Variants in ATP10B observed in about 807,000 individuals in gnomAD.
The protein encoded by ATP10B is phospholipid-transporting ATPase VB.
A neutral mutation model predicts 141.2 loss-of-function variants in ATP10B; 122 were observed. That is an observed-to-expected ratio of 0.86 (90% confidence interval 0.75 to 1.00). The LOEUF is 1.00. Ranked by LOEUF, ATP10B falls within the 50% of genes least tolerant of loss-of-function variation. The probability of loss-of-function intolerance (pLI) is 0.00; values close to 1 mark genes in which losing one functional copy is unlikely to be tolerated. For synonymous variants in ATP10B, 685 were observed against 692.0 expected (o/e 0.99, Z 0.16); for missense variants, 1,876 against 1,825.3 (o/e 1.03, Z -0.51).
chr5:160,566,326 C>T (rs1044315384), intron 25 of ATP10B, among the ~76,000 whole-genome samples: 11 of 152,172 alleles, frequency 7.2e-5, no homozygotes, highest in African/African-American at 2.7e-4. Context: ...CCAAAGCAGT[C>T]CATTCTATTT....
In ATP10B at chr5:160,606,885, T is replaced by A. The variant is rs1246007086; in HGVS notation, c.3040A>T (p.Lys1014Ter). 8 of 1,613,998 alleles carry A rather than the reference T, an allele frequency of 5.0e-6. No homozygotes were observed. In the African/African-American group the frequency reaches 5.3e-5, roughly 11 times the overall value. The change falls in exon 19 of 26, where the codon AAG (lysine) becomes TAG (stop). Residue 1014 changes from lysine to a stop codon, truncating the protein, a stop_gained. Transcript: ENST00000327245. LOFTEE classifies it high-confidence loss of function. Reference protein sequence around the residue: ...NAIFQGKLEKKFLELTQYCRS... With the variant: ...NAIFQGKLEK ...CAATACTGGGTCAATTCCAGAAACT[T>A]CTTCTCTAGCTTTCCCTGGAAGATG...
chr5:160,787,508 G>GCAAA (rs1771258293), intron 1 of ATP10B, among the ~76,000 whole-genome samples: 1 of 152,148 alleles, frequency 6.6e-6, no homozygotes, highest in Non-Finnish European at 1.5e-5. Context: ...TTAGCCTCCA[G>GCAAA]TTCCTCCATA....
At chr5:160,896,720 A>G in the ATP10B span, among the ~76,000 whole-genome samples, 2 of 152,154 alleles carry the variant, frequency 1.3e-5, no homozygotes, top group Non-Finnish European at 2.9e-5. Flanking sequence ...CCTGATACCA[A>G]AACCTGGCAG....
the ATP10B span, among the ~76,000 whole-genome samples, chr5:160,888,685 T>G: frequency 1.3e-5 from 2 of 152,194 alleles, no homozygotes; most frequent in African/African-American, 4.8e-5. Context: ...GGCTCTGTCT[T>G]CCTTTGTTCC....
At chr5:160,705,924 C>T (rs1471176267) in intron 3 of ATP10B, among the ~76,000 whole-genome samples, 2 of 152,178 alleles carry the variant, frequency 1.3e-5, no homozygotes, top group African/African-American at 2.4e-5. Flanking sequence ...TTCAACTCTT[C>T]CTTTTACTTG....
chr5:160,688,705 G>C (rs1258119248), intron 4 of ATP10B, 55 bp downstream of exon 4: 2 of 929,068 alleles, frequency 2.2e-6, no homozygotes, highest in Non-Finnish European at 2.6e-6. Context: ...CTATTCTTTA[G>C]GTTTTCTTTG....
chr5:160,777,189 G>T (rs1472909892), intron 2 of ATP10B, among the ~76,000 whole-genome samples: 1 of 152,208 alleles, frequency 6.6e-6, no homozygotes, highest in Non-Finnish European at 1.5e-5. Context: ...CTGATGAAGG[G>T]TCTGCATGAA....
intron 2 of ATP10B, among the ~76,000 whole-genome samples, chr5:160,730,426 C>A (rs897651736): frequency 3.9e-5 from 6 of 152,044 alleles, no homozygotes; most frequent in African/African-American, 1.4e-4. Context: ...GGCTACACAA[C>A]CAGGAATTCA....
At chr5:160,882,265 T>G in the ATP10B span, among the ~76,000 whole-genome samples, 815 of 152,266 alleles carry the variant, frequency 5.4e-3, 8 homozygotes, top group African/African-American at 0.019. Context: ...TTGGGATACT[T>G]AAGACGTGTC....
At chr5:160,835,152 A>G (rs1439450565) in intron 1 of ATP10B, among the ~76,000 whole-genome samples, 4 of 152,044 alleles carry the variant, frequency 2.6e-5, no homozygotes, top group African/African-American at 7.2e-5. Flanking sequence ...TAAAAAAAAA[A>G]TCTGTAAGAG....
intron 1 of ATP10B, among the ~76,000 whole-genome samples, chr5:160,801,781 G>C (rs565483292): frequency 6.6e-6 from 1 of 152,228 alleles, no homozygotes; most frequent in Admixed American, 6.5e-5. Flanking sequence ...AGACAGAATC[G>C]AAACCTGGAT....
At chr5:160,602,791 C>G in intron 20 of ATP10B, 89 bp from the exon 21 acceptor site, 1 of 1,575,744 alleles carries the variant, frequency 6.3e-7, no homozygotes, top group Non-Finnish European at 8.7e-7. Context: ...TTGGTCTAGG[C>G]CTACGGCCAG....
At chr5:160,909,692 G>A in the ATP10B span, among the ~76,000 whole-genome samples, 2 of 152,250 alleles carry the variant, frequency 1.3e-5, no homozygotes, top group African/African-American at 4.8e-5. Flanking sequence ...CTTGAATAAC[G>A]TAGAATCACT....
At chr5:160,817,987 C>A (rs1773795345) in intron 1 of ATP10B, among the ~76,000 whole-genome samples, 1 of 152,132 alleles carries the variant, frequency 6.6e-6, no homozygotes, top group African/African-American at 2.4e-5. Flanking sequence ...ACACCTTATA[C>A]AAAAATTAAT....
upstream of ATP10B, among the ~76,000 whole-genome samples, chr5:160,857,099 A>G (rs1263898223): frequency 2.6e-5 from 4 of 151,834 alleles, no homozygotes; most frequent in African/African-American, 9.7e-5. Context: ...AACCTATTCT[A>G]CTTTATCTTC....
At position 160,640,910 on chromosome 5, in the gene ATP10B, T is replaced by C. The variant is rs113733034; in HGVS notation, c.869-318A>G. 6.1e-3 allele frequency among the ~76,000 whole-genome samples: 930 copies of C among 152,292 alleles called. 16 individuals are homozygous for C. The highest frequency in any genetic ancestry group is 0.021 in the African/African-American group (889 of 41,564). The stretch of plus-strand genomic sequence containing the variant: ...TAGTTGCCAAAGATTTATAAGTTTA[T>C]TATGGACAGAGTTCTGGCAAATGAT... On this transcript the variant is annotated intron_variant, in intron 9 of 25. Coordinates refer to ENST00000327245, the MANE Select transcript of ATP10B (RefSeq NM_025153.3).
the ATP10B span, among the ~76,000 whole-genome samples, chr5:160,886,316 AG>A: frequency 6.6e-6 from 1 of 152,226 alleles, no homozygotes; most frequent in Non-Finnish European, 1.5e-5. Flanking sequence ...CATTTGATGG[AG>A]GACTTGAAAG....
intron 3 of ATP10B, among the ~76,000 whole-genome samples, chr5:160,716,208 T>C (rs1765647921): frequency 6.6e-6 from 1 of 152,182 alleles, no homozygotes; most frequent in Non-Finnish European, 1.5e-5. Flanking sequence ...TTGTAACATA[T>C]TTATATAATA....
intron 2 of ATP10B, among the ~76,000 whole-genome samples, chr5:160,727,578 G>A (rs1766445591): frequency 6.6e-6 from 1 of 152,046 alleles, no homozygotes; most frequent in African/African-American, 2.4e-5. Flanking sequence ...TGGTGTGTTG[G>A]GTCCTGCCAA....
Sources: allele counts gnomAD v4.1 joint callset (sites outside exome capture counted in the v4.1 genomes callset), GRCh38; gene constraint gnomAD v4.1.1; transcripts MANE v1.5; gene names NCBI Gene and HGNC (gene_info 2026-07-23, HGNC 2026-07-21).